The following CHCHD3 variants were observed in gnomAD, a reference collection of about 807,000 sequenced individuals.
CHCHD3 encodes the protein coiled-coil-helix-coiled-coil-helix domain containing 3.
A neutral mutation model predicts 38.2 loss-of-function variants in CHCHD3; 20 were observed. That is an observed-to-expected ratio of 0.52 (90% confidence interval 0.37 to 0.76). The LOEUF (loss-of-function observed/expected upper bound fraction) is 0.76, where lower values mean the gene tolerates loss of function less well. Among genes scored for constraint, CHCHD3 ranks in the 30% least tolerant of loss-of-function variants. CHCHD3 has a pLI of 0.00. For missense variants in CHCHD3, 245 were observed against 279.2 expected (o/e 0.88, Z 0.87); for synonymous variants, 82 against 100.0 (o/e 0.82, Z 1.07).
intron 3 of CHCHD3, among the ~76,000 whole-genome samples, chr7:132,996,390 G>A (rs971989314): frequency 3.3e-5 from 5 of 152,118 alleles, no homozygotes; most frequent in Non-Finnish European, 5.9e-5. Flanking sequence ...CATTCACAGA[G>A]TCCTGAGCTT....
At chr7:133,067,882 C>T (rs2117533998) in intron 2 of CHCHD3, among the ~76,000 whole-genome samples, 1 of 152,230 alleles carries the variant, frequency 6.6e-6, no homozygotes, top group South Asian at 2.1e-4. Context: ...TTTGGGAGGT[C>T]GAGGCGGGCG....
At position 132,882,327 on chromosome 7, in the gene CHCHD3, T is replaced by A. The variant is rs1809081136; in HGVS notation, c.453+3335A>T. Among the ~76,000 whole-genome samples, 3 of 152,148 alleles carry A rather than the reference T, an allele frequency of 2.0e-5. No homozygotes were observed. In the South Asian group the frequency reaches 6.2e-4, roughly 32 times the overall value. The stretch of plus-strand genomic sequence containing the variant: ...TTCTTTCTTTTACTTAATGTGGAGT[T>A]ATCGAGTATTAAGTAACAGCAGTGT... On this transcript the variant is annotated intron_variant, in intron 5 of 7. Coordinates refer to ENST00000262570, the MANE Select transcript of CHCHD3 (RefSeq NM_017812.4).
chr7:132,858,677 C>A (rs1478936849), intron 5 of CHCHD3, among the ~76,000 whole-genome samples: 1 of 152,106 alleles, frequency 6.6e-6, no homozygotes, highest in Non-Finnish European at 1.5e-5. Context: ...AAAACTAAAG[C>A]CTTCCTGATT....
Position 133,035,221 on chromosome 7 carries a change from C to G in CHCHD3, c.170-10594G>C. 1 of 1,613,786 alleles carries G rather than the reference C, an allele frequency of 6.2e-7. No homozygotes were observed. The highest frequency in any genetic ancestry group is 1.7e-5 in the Admixed American group (1 of 60,004). ...TGCTTCTCTTCCCGTGAACCCTTCT[C>G]TTTCCGTGGTGTGTCCTTTTTAGGC... On this transcript the variant is annotated intron_variant, in intron 2 of 7. Coordinates refer to ENST00000262570, the MANE Select transcript of CHCHD3 (RefSeq NM_017812.4). This position sits in a 1 kb window ranked among gnomAD's most constrained non-coding sequence, Gnocchi z 4.7.
At chr7:132,912,362 TAAG>T (rs546185506) in intron 4 of CHCHD3, among the ~76,000 whole-genome samples, 113 of 152,308 alleles carry the variant, frequency 7.4e-4, no homozygotes, top group Admixed American at 1.8e-3. Flanking sequence ...TTCTCTGAAA[TAAG>T]AAGACAGATA....
At chr7:132,901,146 C>T (rs1346215056) in intron 4 of CHCHD3, among the ~76,000 whole-genome samples, 2 of 152,176 alleles carry the variant, frequency 1.3e-5, no homozygotes, top group African/African-American at 4.8e-5. Context: ...CAGTTTTCCC[C>T]AAACCCGTAG....
intron 3 of CHCHD3, among the ~76,000 whole-genome samples, chr7:133,017,710 T>C (rs1171621680): frequency 6.6e-6 from 1 of 152,204 alleles, no homozygotes. Context: ...GGTTTGATAT[T>C]AACATGTAAA....
At chr7:132,914,085 G>A (rs1197070821) in intron 4 of CHCHD3, among the ~76,000 whole-genome samples, 2 of 150,642 alleles carry the variant, frequency 1.3e-5, no homozygotes, top group South Asian at 2.1e-4. Flanking sequence ...TCAGCCTCCC[G>A]AGTAGCTGGG....
chr7:132,814,551 ATAAAT>A (rs1807151543), intron 6 of CHCHD3, among the ~76,000 whole-genome samples: 1 of 152,228 alleles, frequency 6.6e-6, no homozygotes, highest in Admixed American at 6.5e-5. Flanking sequence ...TCTCCTTTCT[ATAAAT>A]GCACCATGGC....
chr7:132,861,503 G>C (rs1808490275), intron 5 of CHCHD3, among the ~76,000 whole-genome samples: 1 of 152,112 alleles, frequency 6.6e-6, no homozygotes. Flanking sequence ...GCTTTTTCCT[G>C]TGTCCCCAGC....
chr7:133,010,145 T>C (rs1812821285), intron 3 of CHCHD3, among the ~76,000 whole-genome samples: 1 of 152,216 alleles, frequency 6.6e-6, no homozygotes, highest in Non-Finnish European at 1.5e-5. Flanking sequence ...TGATGCTGCC[T>C]GTTGTCAGGT....
chr7:132,895,909 T>C (rs1246166396), intron 4 of CHCHD3, among the ~76,000 whole-genome samples: 1 of 152,254 alleles, frequency 6.6e-6, no homozygotes, highest in Admixed American at 6.5e-5. Context: ...CTCATCTGTC[T>C]CAGGTGAAAC....
chr7:133,041,860 C>A (rs1813842275), intron 2 of CHCHD3, among the ~76,000 whole-genome samples: 1 of 152,170 alleles, frequency 6.6e-6, no homozygotes. Context: ...TTTCTAAGAC[C>A]CAAAGCAAAC....
chr7:132,854,988 G>A lies in CHCHD3; in HGVS notation c.454-16519C>T, dbSNP rs139488437. Among the ~76,000 whole-genome samples, 602 of 152,170 alleles carry A rather than the reference G, an allele frequency of 4.0e-3. 5 individuals carry two copies. Among genetic ancestry groups the A allele is most frequent in the African/African-American group, 0.014 (576 of 41,526 alleles). ...ATCAAGTATTTCCTATGTTCATATC[G>A]TTTGATTTTATGATAAAAACCAGCC... On this transcript the variant is annotated intron_variant, in intron 5 of 7. Coordinates refer to ENST00000262570, the MANE Select transcript of CHCHD3 (RefSeq NM_017812.4).
chr7:132,890,016 T>C (rs980474938), intron 4 of CHCHD3, among the ~76,000 whole-genome samples: 9 of 152,218 alleles, frequency 5.9e-5, no homozygotes, highest in Non-Finnish European at 1.5e-5. Flanking sequence ...CTATTTGCTA[T>C]TCCTAGAAGA....
intron 6 of CHCHD3, among the ~76,000 whole-genome samples, chr7:132,822,538 C>G (rs1055826545): frequency 7.6e-4 from 115 of 151,824 alleles, no homozygotes; most frequent in African/African-American, 2.3e-3. Context: ...CTAAAAGAAA[C>G]TGACCTGTAT....
chr7:132,862,100 G>GGATA (rs1234130347), intron 5 of CHCHD3, among the ~76,000 whole-genome samples: 1 of 151,424 alleles, frequency 6.6e-6, no homozygotes, highest in African/African-American at 2.4e-5. Flanking sequence ...ATGGATGGAT[G>GGATA]GATGGATGAA....
At chr7:132,869,021 C>A (rs1051600855) in intron 5 of CHCHD3, among the ~76,000 whole-genome samples, 6 of 152,092 alleles carry the variant, frequency 3.9e-5, no homozygotes, top group African/African-American at 1.4e-4. Context: ...AAAAACTGAC[C>A]CAAAATGCAT....
intron 3 of CHCHD3, among the ~76,000 whole-genome samples, chr7:133,010,902 G>GC (rs1812852048): frequency 6.6e-6 from 1 of 152,042 alleles, no homozygotes; most frequent in Admixed American, 6.6e-5. Context: ...GCAGGAGACA[G>GC]ACAAGAAACA....
Sources: gnomAD v4.1 joint callset for allele counts (sites outside exome capture counted in the v4.1 genomes callset) on GRCh38, gnomAD v4.1.1 for gene constraint, Gnocchi (gnomAD v3.1) non-coding constraint, MANE v1.5 for transcripts, NCBI Gene and HGNC (gene_info 2026-07-23, HGNC 2026-07-21) for gene names.